The following STK32B variants were observed in gnomAD, a reference collection of about 807,000 sequenced individuals.
STK32B encodes serine/threonine kinase 32B, also known as serine/threonine-protein kinase 32B.
STK32B carries 43 observed loss-of-function variants against 52.6 expected under a neutral mutation model. The observed-to-expected ratio is 0.82, with a 90% CI of 0.64 to 1.05. STK32B has a LOEUF of 1.05. Ranked by LOEUF, STK32B falls within the 50% of genes least tolerant of loss-of-function variation. STK32B has a pLI of 0.00. For missense variants in STK32B, 621 were observed against 534.6 expected, an observed-to-expected ratio of 1.16 and a Z score of -1.59; for synonymous variants, 238 against 204.3, an observed-to-expected ratio of 1.17 and a Z score of -1.41.
intron 3 of STK32B, among the ~76,000 whole-genome samples, chr4:5,193,219 C>T (rs1464428077): frequency 3.9e-5 from 6 of 152,108 alleles, no homozygotes; most frequent in Non-Finnish European, 7.4e-5. Context: ...TGTTGGAATC[C>T]GCTCTCAGCT....
At chr4:5,119,100 T>A (rs74325872) in intron 1 of STK32B, among the ~76,000 whole-genome samples, 2 of 152,136 alleles carry the variant, frequency 1.3e-5, no homozygotes, top group African/African-American at 4.8e-5. Flanking sequence ...CATAAAAGGG[T>A]AAGGTTATTG....
intron 1 of STK32B, among the ~76,000 whole-genome samples, chr4:5,120,238 A>T (rs1394745709): frequency 1.3e-5 from 2 of 152,186 alleles, no homozygotes; most frequent in African/African-American, 4.8e-5. Context: ...ATGATCCAGG[A>T]TCACCTGAAT....
chr4:5,052,050 A>T lies in STK32B; in HGVS notation c.52+135A>T, dbSNP rs946187411. On this transcript the variant is annotated intron_variant, in intron 1 of 11. Transcript: ENST00000282908. ...CATGGCCACTTCGCCCAGCGAATGC[A>T]GTGTGTGCCCGACCCGTGCCAGGCG... 4.4e-6 allele frequency: 6 copies of T among 1,349,864 alleles called. No individual in the cohort carries two copies. The African/African-American group carries it at 8.9e-5, about 20-fold the overall frequency. 83.6% of individuals were successfully genotyped at this position (1,349,864 alleles called of 1,614,324 possible). A position where few individuals can be genotyped will look rare whatever the true frequency, so the allele number is the denominator to read the frequency against.
chr4:5,378,410 T>C lies in STK32B; in HGVS notation c.435-19797T>C, dbSNP rs1389039128. Reference sequence around the variant, plus strand: ...GTGCCTGGGTCGTAGCCCTGGACTTTGCATTTTATTTTATTTTTTTCCTTT... The same window carrying C: ...GTGCCTGGGTCGTAGCCCTGGACTTCGCATTTTATTTTATTTTTTTCCTTT... On this transcript the variant is annotated intron_variant, in intron 4 of 11. Coordinates refer to ENST00000282908, the MANE Select transcript of STK32B (RefSeq NM_018401.3). The surrounding 1 kb of genome is among the most constrained non-coding windows in gnomAD (Gnocchi z 4.4). Among the ~76,000 whole-genome samples, 1 of 152,210 alleles carries C rather than the reference T, an allele frequency of 6.6e-6. No individual in the cohort carries two copies. Among genetic ancestry groups the C allele is most frequent in the Non-Finnish European group, 1.5e-5 (1 of 68,044 alleles).
intron 1 of STK32B, among the ~76,000 whole-genome samples, chr4:5,106,541 T>C (rs1162520843): frequency 6.6e-6 from 1 of 152,188 alleles, no homozygotes; most frequent in Non-Finnish European, 1.5e-5. Context: ...TAGAGGTCTT[T>C]ATCACACTTA....
chr4:5,144,039 G>T (rs753380825), intron 2 of STK32B, among the ~76,000 whole-genome samples: 1 of 152,154 alleles, frequency 6.6e-6, no homozygotes, highest in African/African-American at 2.4e-5. Context: ...GGAGTGATCG[G>T]CTAGTCAGTG....
chr4:5,411,712 A>G (rs1026256290), intron 5 of STK32B, among the ~76,000 whole-genome samples: 12 of 152,222 alleles, frequency 7.9e-5, no homozygotes, highest in Admixed American at 7.9e-4. Flanking sequence ...AAGTTTCAAC[A>G]TATGAATTTT....
chr4:5,329,565 C>T (rs1452840580), intron 3 of STK32B, among the ~76,000 whole-genome samples: 2 of 152,220 alleles, frequency 1.3e-5, no homozygotes, highest in Admixed American at 1.3e-4. Context: ...CCTGGAAAGA[C>T]TCCTAGAATG....
intron 5 of STK32B, among the ~76,000 whole-genome samples, chr4:5,407,186 T>C (rs1490099443): frequency 6.6e-6 from 1 of 152,134 alleles, no homozygotes; most frequent in East Asian, 1.9e-4. Flanking sequence ...CCAACCTCTT[T>C]GCCAACACAT....
intron 3 of STK32B, among the ~76,000 whole-genome samples, chr4:5,227,014 G>C (rs1723922328): frequency 6.6e-6 from 1 of 152,090 alleles, no homozygotes; most frequent in Non-Finnish European, 1.5e-5. Context: ...TTTAATACCT[G>C]TTTTTATTGA....
In STK32B at chr4:5,192,681, A is replaced by G. The variant is rs1384696981; in HGVS notation, c.260+24231A>G. On this transcript the variant is annotated intron_variant, in intron 3 of 11. Transcript: ENST00000282908. ...CACTATGAAATGATTACCACACTCAAGCTGATTAACCCATCCACCACCTCA... is the reference window on the plus strand; with the variant it reads ...CACTATGAAATGATTACCACACTCAGGCTGATTAACCCATCCACCACCTCA... 4.6e-5 allele frequency among the ~76,000 whole-genome samples: 7 copies of G among 152,296 alleles called. No individual in the cohort carries two copies. In the South Asian group the frequency reaches 1.4e-3, roughly 32 times the overall value.
Position 5,380,044 on chromosome 4 carries a change from C to A in STK32B, c.435-18163C>A, listed in dbSNP as rs1735839541. ...CGTCAGAGACAGGCCCTGAGGAAAACCACTGCCTCGATCACGGGGCTATGC... is the reference window on the plus strand; with the variant it reads ...CGTCAGAGACAGGCCCTGAGGAAAAACACTGCCTCGATCACGGGGCTATGC... On this transcript the variant is annotated intron_variant, in intron 4 of 11. Coordinates refer to ENST00000282908, the MANE Select transcript of STK32B (RefSeq NM_018401.3). The surrounding 1 kb of genome is among the most constrained non-coding windows in gnomAD (Gnocchi z 4.3). 6.6e-6 allele frequency among the ~76,000 whole-genome samples: 1 copy of A among 152,124 alleles called. No homozygotes were observed. Among genetic ancestry groups the A allele is most frequent in the Non-Finnish European group, 1.5e-5 (1 of 68,036 alleles).
chr4:5,274,874 G>A (rs1727708295), intron 3 of STK32B, among the ~76,000 whole-genome samples: 1 of 152,176 alleles, frequency 6.6e-6, no homozygotes, highest in Non-Finnish European at 1.5e-5. Context: ...TGTCCGCTAT[G>A]CTCCTGATCC....
chr4:5,083,218 T>C (rs1412606993), intron 1 of STK32B, among the ~76,000 whole-genome samples: 1 of 152,202 alleles, frequency 6.6e-6, no homozygotes, highest in East Asian at 1.9e-4. Flanking sequence ...GACCTTGGGA[T>C]GACTAAAATT....
chr4:5,447,204 A>C (rs961963290), intron 7 of STK32B: 3 of 156,456 alleles, frequency 1.9e-5, no homozygotes, highest in African/African-American at 7.2e-5. Flanking sequence ...TATCTAACTC[A>C]GTGTCCTATA....
At chr4:5,103,971 G>T (rs1163354982) in intron 1 of STK32B, among the ~76,000 whole-genome samples, 1 of 152,124 alleles carries the variant, frequency 6.6e-6, no homozygotes, top group Non-Finnish European at 1.5e-5. Context: ...AGGTTGAATT[G>T]TTGAGTAGCA....
intron 11 of STK32B, among the ~76,000 whole-genome samples, chr4:5,491,666 T>G (rs1719745145): frequency 6.6e-6 from 1 of 152,158 alleles, no homozygotes; most frequent in South Asian, 2.1e-4. Context: ...GCCTATATCC[T>G]GAATGGTAAT....
chr4:5,176,167 G>C (rs1719870681), intron 3 of STK32B, among the ~76,000 whole-genome samples: 1 of 152,228 alleles, frequency 6.6e-6, no homozygotes, highest in South Asian at 2.1e-4. Context: ...GTATTAGGGT[G>C]GGAGTGACCC....
chr4:5,108,891 A>G (rs1714248887), intron 1 of STK32B, among the ~76,000 whole-genome samples: 1 of 152,220 alleles, frequency 6.6e-6, no homozygotes, highest in South Asian at 2.1e-4. Flanking sequence ...AAGAATAGTT[A>G]CGTTACATCT....
Sources: gnomAD v4.1 joint callset for allele counts (sites outside exome capture counted in the v4.1 genomes callset) on GRCh38, gnomAD v4.1.1 for gene constraint, Gnocchi (gnomAD v3.1) non-coding constraint, MANE v1.5 for transcripts, NCBI Gene and HGNC (gene_info 2026-07-23, HGNC 2026-07-21) for gene names.